DENND2C: variants seen among roughly 807,000 people sequenced by gnomAD.
DENND2C encodes DENN domain-containing protein 2C.
In DENND2C, 72 loss-of-function variants were observed where a neutral mutation model predicts 112.4. The ratio of observed to expected loss-of-function variants is 0.64; its 90% confidence interval spans 0.53 to 0.78. DENND2C has a LOEUF of 0.78. Ranked by LOEUF, DENND2C falls within the 30% of genes least tolerant of loss-of-function variation. DENND2C has a pLI of 0.00. For missense variants in DENND2C, 992 were observed against 1,113.8 expected, an observed-to-expected ratio of 0.89 and a Z score of 1.56; for synonymous variants, 329 against 381.6, an observed-to-expected ratio of 0.86 and a Z score of 1.61.
chr1:114,634,066 A>G (rs559504623), intron 3 of DENND2C, among the ~76,000 whole-genome samples: 1 of 152,364 alleles, frequency 6.6e-6, no homozygotes, highest in Admixed American at 6.5e-5. Flanking sequence ...GGTGCAATTC[A>G]TCAAGAATAC....
At chr1:114,636,721 G>A (rs1448297351) in intron 3 of DENND2C, among the ~76,000 whole-genome samples, 2 of 151,646 alleles carry the variant, frequency 1.3e-5, no homozygotes, top group African/African-American at 4.8e-5. Flanking sequence ...CTAAGTAAAA[G>A]GCATAGAGAT....
intron 1 of DENND2C, among the ~76,000 whole-genome samples, chr1:114,656,747 A>G (rs1657340847): frequency 6.6e-6 from 1 of 151,152 alleles, no homozygotes; most frequent in Admixed American, 6.6e-5. Flanking sequence ...TCTTTTGGGT[A>G]TTATCTAGGA....
chr1:114,630,941 T>C (rs143727057), intron 3 of DENND2C, among the ~76,000 whole-genome samples: 73 of 152,276 alleles, frequency 4.8e-4, no homozygotes, highest in African/African-American at 1.7e-3. Context: ...ACCAGCAGGA[T>C]GAAATTAACC....
At chr1:114,653,119 T>C (rs1657216345) in intron 2 of DENND2C, among the ~76,000 whole-genome samples, 2 of 152,008 alleles carry the variant, frequency 1.3e-5, no homozygotes, top group Admixed American at 1.3e-4. Flanking sequence ...ATTGGTACTT[T>C]TTTTTTTGAG....
At chr1:114,669,783 G>A (rs1263757219) in intron 1 of DENND2C, among the ~76,000 whole-genome samples, 200 bp downstream of exon 1, 1 of 151,974 alleles carries the variant, frequency 6.6e-6, no homozygotes, top group Non-Finnish European at 1.5e-5. Context: ...CCCAACAACC[G>A]GTTGCTCCTC....
intron 3 of DENND2C, among the ~76,000 whole-genome samples, chr1:114,630,099 G>T (rs1226946657): frequency 6.6e-6 from 1 of 151,966 alleles, no homozygotes; most frequent in Non-Finnish European, 1.5e-5. Context: ...CGGATCATGA[G>T]GTCAAGAGAT....
chr1:114,626,075 T>G lies in DENND2C; in HGVS notation c.-91A>C. On this transcript the variant is annotated 5_prime_UTR_variant, in exon 4 of 21. Transcript: ENST00000393274. ...TATTGTATTCTTTATCCTGTCAGAA[T>G]CCAAATGATTCCAGTATTTTCCCTT... 7.9e-7 allele frequency: 1 copy of G among 1,264,306 alleles called. No homozygotes were observed. The highest frequency in any genetic ancestry group is 1.1e-6 in the Non-Finnish European group (1 of 923,362). The allele number at this position is 1,264,306 out of a possible 1,614,324, so 78.3% of individuals were successfully genotyped here. A position where few individuals can be genotyped will look rare whatever the true frequency, so the allele number is the denominator to read the frequency against.
intron 1 of DENND2C, among the ~76,000 whole-genome samples, chr1:114,655,933 AGTCGGTT>A (rs1365382606): frequency 6.8e-6 from 1 of 146,842 alleles, no homozygotes. Context: ...TGCATATAGC[AGTCGGTT>A]TTTCTTCGTT....
chr1:114,613,175 A>G (rs896981688), intron 8 of DENND2C, among the ~76,000 whole-genome samples: 2 of 152,240 alleles, frequency 1.3e-5, no homozygotes, highest in Admixed American at 1.3e-4. Flanking sequence ...ACATCTATGC[A>G]ATGAAATACA....
Position 114,659,449 on chromosome 1 carries a change from C to T in DENND2C, c.-573-4688G>A, listed in dbSNP as rs564625585. The stretch of plus-strand genomic sequence containing the variant: ...CCCAGGAGGCAGAGGTTGCAGTGAG[C>T]GGAGATCCCACCACTGCACTCCAGC... On this transcript the variant is annotated intron_variant, in intron 1 of 20. Transcript: ENST00000393274. Among the ~76,000 whole-genome samples the T allele has an allele frequency of 5.9e-5, 9 of 152,196 alleles. 1 individual carries two copies. Among genetic ancestry groups the T allele is most frequent in the Admixed American group, 4.6e-4 (7 of 15,290 alleles).
chr1:114,594,684 T>C, intron 17 of DENND2C, 106 bp from the exon 18 acceptor site: 1 of 906,750 alleles, frequency 1.1e-6, no homozygotes, highest in South Asian at 1.6e-5. Context: ...TGACTGTATA[T>C]ATTTTGGCTA....
In DENND2C at chr1:114,608,716, A is replaced by G. The variant is rs753109830; in HGVS notation, c.1527T>C (p.Ile509=). 4 of 1,614,092 alleles carry G rather than the reference A, an allele frequency of 2.5e-6. No homozygotes were observed. The highest frequency in any genetic ancestry group is 2.2e-5 in the South Asian group (2 of 91,064). ...LQKKPSGISY[I]PQVIQQFPGK... ...CAGGGAATTGTTGTATGACCTGGGG[A>G]ATATAGCTTATTCCTGATGGTTTCT... Residue 509 remains isoleucine, a synonymous_variant, in exon 10 of 21, where the codon ATT becomes ATC. Transcript: ENST00000393274.
intron 3 of DENND2C, among the ~76,000 whole-genome samples, chr1:114,628,101 T>G (rs945448842): frequency 6.6e-6 from 1 of 151,802 alleles, no homozygotes; most frequent in Non-Finnish European, 1.5e-5. Flanking sequence ...AGGCCAGGAG[T>G]TTGCGACCAG....
At chr1:114,645,870 A>C (rs892048772) in intron 2 of DENND2C, among the ~76,000 whole-genome samples, 5 of 152,138 alleles carry the variant, frequency 3.3e-5, no homozygotes, top group African/African-American at 9.7e-5. Flanking sequence ...AATAATTGAT[A>C]TATTATGAAA....
chr1:114,607,448 T>G (rs773140813), intron 10 of DENND2C, among the ~76,000 whole-genome samples: 1 of 152,162 alleles, frequency 6.6e-6, no homozygotes, highest in Non-Finnish European at 1.5e-5. Flanking sequence ...TCTTTCCAGT[T>G]TCTCAGGAAA....
intron 1 of DENND2C, among the ~76,000 whole-genome samples, chr1:114,663,451 AGAAATGG>A (rs1161568910): frequency 7.2e-5 from 11 of 152,368 alleles, no homozygotes; most frequent in African/African-American, 2.4e-4. Context: ...CATTTAAATG[AGAAATGG>A]GGGATGAATG....
At chr1:114,599,091 C>G (rs1225078015) in intron 16 of DENND2C, among the ~76,000 whole-genome samples, 183 bp downstream of exon 16, 1 of 152,124 alleles carries the variant, frequency 6.6e-6, no homozygotes, top group Non-Finnish European at 1.5e-5. Flanking sequence ...TTTATGTGTA[C>G]TATCGAATTT....
At chr1:114,631,600 G>A (rs1265220232) in intron 3 of DENND2C, among the ~76,000 whole-genome samples, 4 of 152,024 alleles carry the variant, frequency 2.6e-5, no homozygotes, top group East Asian at 1.9e-4. Context: ...TGGCTAACAC[G>A]GTGAAACCCC....
rs376776598 is a variant in DENND2C at position 114,585,283 on chromosome 1, C to G, written c.*317G>C. The G allele has an allele frequency of 9.2e-6, 3 of 326,784 alleles. No homozygotes were observed. The highest frequency in any genetic ancestry group is 2.1e-5 in the African/African-American group (1 of 47,904). 20.2% of individuals were successfully genotyped at this position (326,784 alleles called of 1,614,324 possible). A position where few individuals can be genotyped will look rare whatever the true frequency, so the allele number is the denominator to read the frequency against. ...TTTTTTAAATGTAACAACAACAAGG[C>G]TTTTCCTTGTGAAACACAACTACTT... On this transcript the variant is annotated 3_prime_UTR_variant, in exon 21 of 21. Transcript: ENST00000393274.
Sources: gnomAD v4.1 joint callset for allele counts (sites outside exome capture counted in the v4.1 genomes callset) on GRCh38, gnomAD v4.1.1 for gene constraint, MANE v1.5 for transcripts, NCBI Gene and HGNC (gene_info 2026-07-23, HGNC 2026-07-21) for gene names.